Variants in ANKRD44 observed in about 807,000 individuals in gnomAD.
ANKRD44 encodes serine/threonine-protein phosphatase 6 regulatory ankyrin repeat subunit B.
In ANKRD44, 35 loss-of-function variants were observed where a neutral mutation model predicts 116.0. The ratio of observed to expected loss-of-function variants is 0.30; its 90% confidence interval spans 0.23 to 0.40. ANKRD44 has a LOEUF of 0.40. Ranked by LOEUF, ANKRD44 falls within the 10% of genes least tolerant of loss-of-function variation. The pLI is 1.00. For synonymous variants in ANKRD44, 435 were observed against 461.8 expected (o/e 0.94, Z 0.74); for missense variants, 1,014 against 1,242.6 (o/e 0.82, Z 2.77).
Position 196,987,302 on chromosome 2 carries a change from T to A in ANKRD44, c.*2289A>T. 1 of 985,284 alleles carries A rather than the reference T, an allele frequency of 1.0e-6. No homozygotes were observed. Among genetic ancestry groups the A allele is most frequent in the Non-Finnish European group, 1.2e-6 (1 of 829,786 alleles). 61.0% of individuals were successfully genotyped at this position (985,284 alleles called of 1,614,324 possible). On this transcript the variant is annotated 3_prime_UTR_variant, in exon 28 of 28. Coordinates refer to ENST00000282272, the MANE Select transcript of ANKRD44 (RefSeq NM_001195144.2). Reference sequence around the variant, plus strand: ...CAAGGGGAAATAGGAAAAAAGACACTTTATACATTCAAAGAAAAGTTGAAA... The same window carrying A: ...CAAGGGGAAATAGGAAAAAAGACACATTATACATTCAAAGAAAAGTTGAAA...
intron 1 of ANKRD44, among the ~76,000 whole-genome samples, chr2:197,279,135 C>T (rs1259310346): frequency 6.6e-6 from 1 of 152,214 alleles, no homozygotes; most frequent in Admixed American, 6.5e-5. Context: ...GCATATCCAT[C>T]ATTCAGTCCA....
At chr2:197,141,019 C>T (rs2079351753) in intron 3 of ANKRD44, among the ~76,000 whole-genome samples, 3 of 152,098 alleles carry the variant, frequency 2.0e-5, no homozygotes, top group Non-Finnish European at 4.4e-5. Flanking sequence ...GAGTTCGAGG[C>T]CAACCTGGCC....
At chr2:197,089,576 C>T (rs781765434) in intron 11 of ANKRD44, among the ~76,000 whole-genome samples, 5 of 152,172 alleles carry the variant, frequency 3.3e-5, no homozygotes, top group Non-Finnish European at 7.3e-5. Context: ...GGGTATTTGG[C>T]CTTTTTCCTT....
chr2:197,162,722 C>T (rs1280251917), intron 2 of ANKRD44, among the ~76,000 whole-genome samples: 1 of 152,224 alleles, frequency 6.6e-6, no homozygotes, highest in Non-Finnish European at 1.5e-5. Flanking sequence ...GGCTTCTGGA[C>T]AGTACCATCA....
chr2:197,290,786 TTTTTTTGTTTGTTTG>T (rs374554413), intron 1 of ANKRD44, among the ~76,000 whole-genome samples: 1,583 of 152,220 alleles, frequency 0.01, 22 homozygotes, highest in African/African-American at 0.036. Context: ...AGATAATCAG[TTTTTTTGTTTGTTTG>T]TTTTTTGTTT....
chr2:197,030,942 C>T (rs2076694646), intron 16 of ANKRD44, among the ~76,000 whole-genome samples: 1 of 152,028 alleles, frequency 6.6e-6, no homozygotes, highest in South Asian at 2.1e-4. Context: ...TCCCAAAGTG[C>T]TAGGACTACA....
At chr2:197,120,706 T>C (rs2078831878) in intron 8 of ANKRD44, among the ~76,000 whole-genome samples, 1 of 151,956 alleles carries the variant, frequency 6.6e-6, no homozygotes, top group African/African-American at 2.4e-5. Context: ...AAACCCACAC[T>C]GGAGTTGGAA....
At chr2:197,310,516 C>A (rs1325539235) in intron 1 of ANKRD44, 62 bp downstream of exon 1, 5 of 1,002,204 alleles carry the variant, frequency 5.0e-6, no homozygotes, top group Non-Finnish European at 4.7e-6. Flanking sequence ...CCCCATCCCC[C>A]CGCCGGGCTC....
rs1247249665 is a variant in ANKRD44, at chr2:197,091,370, G to A, written c.1101-1338C>T. Among the ~76,000 whole-genome samples the A allele has an allele frequency of 2.6e-5, 4 of 152,198 alleles. No homozygotes were observed. The East Asian group carries it at 7.7e-4, about 29-fold the overall frequency. On this transcript the variant is annotated intron_variant, in intron 10 of 27. Transcript: ENST00000282272. ...CAGGCTGAGTAAACAAGGTACCCCT[G>A]TCTCAAGTCCCACAAAGGGGTCAGG...
At chr2:197,263,384 C>T (rs1333055319) in intron 1 of ANKRD44, 14 of 615,634 alleles carry the variant, frequency 2.3e-5, no homozygotes, top group Non-Finnish European at 3.9e-5. Flanking sequence ...GCTGGGATTG[C>T]GACTGTGTTT....
chr2:197,249,667 T>C (rs2082273261), intron 1 of ANKRD44, among the ~76,000 whole-genome samples: 1 of 152,210 alleles, frequency 6.6e-6, no homozygotes, highest in Non-Finnish European at 1.5e-5. Flanking sequence ...GGATCGTCAA[T>C]GTAGAGTTAT....
At chr2:197,213,371 C>T (rs914886945) in intron 1 of ANKRD44, among the ~76,000 whole-genome samples, 7 of 152,140 alleles carry the variant, frequency 4.6e-5, no homozygotes, top group Non-Finnish European at 7.4e-5. Flanking sequence ...ATAATATCTA[C>T]GAGGTGATTA....
At chr2:197,162,490 A>G (rs2079991084) in intron 2 of ANKRD44, among the ~76,000 whole-genome samples, 1 of 152,236 alleles carries the variant, frequency 6.6e-6, no homozygotes, top group Admixed American at 6.5e-5. Flanking sequence ...TCAGACGGAA[A>G]TGTAGAAGTG....
chr2:197,216,910 C>G (rs2081459372), intron 1 of ANKRD44, among the ~76,000 whole-genome samples: 1 of 97,728 alleles, frequency 1.0e-5, no homozygotes, highest in Non-Finnish European at 2.1e-5. Context: ...ACTCCAAAAA[C>G]AAAAACACAC....
At chr2:197,091,161 G>A (rs1031166434) in intron 10 of ANKRD44, among the ~76,000 whole-genome samples, 1 of 152,218 alleles carries the variant, frequency 6.6e-6, no homozygotes, top group Non-Finnish European at 1.5e-5. Context: ...ACATCAAAGC[G>A]CACTGTAACA....
chr2:197,088,875 T>G, intron 11 of ANKRD44, 101 bp from the exon 12 acceptor site: 1 of 1,326,836 alleles, frequency 7.5e-7, no homozygotes, highest in Non-Finnish European at 1.0e-6. Context: ...AATCAGTTAG[T>G]AGAAAAACCA....
intron 13 of ANKRD44, 113 bp downstream of exon 13, chr2:197,086,567 A>C (rs2077929241): frequency 1.1e-6 from 1 of 939,726 alleles, no homozygotes; most frequent in Non-Finnish European, 1.6e-6. Flanking sequence ...AGGAGGATGG[A>C]ATCCCCCCAG....
chr2:197,309,170 G>A (rs1022076341), intron 1 of ANKRD44, among the ~76,000 whole-genome samples: 1 of 152,208 alleles, frequency 6.6e-6, no homozygotes, highest in African/African-American at 2.4e-5. Flanking sequence ...ACAGGCCCAA[G>A]ACACGCTAAA....
intron 24 of ANKRD44, among the ~76,000 whole-genome samples, 161 bp from the exon 25 acceptor site, chr2:196,998,580 G>A (rs1041989116): frequency 2.6e-5 from 4 of 152,104 alleles, no homozygotes; most frequent in Non-Finnish European, 1.5e-5. Flanking sequence ...TCTCATATCT[G>A]TGCTATCCAA....
Sources: gnomAD v4.1 joint callset for allele counts (sites outside exome capture counted in the v4.1 genomes callset) on GRCh38, gnomAD v4.1.1 for gene constraint, MANE v1.5 for transcripts, NCBI Gene and HGNC (gene_info 2026-07-23, HGNC 2026-07-21) for gene names.